Variants in DNAH5 observed in about 807,000 individuals in gnomAD.
DNAH5 encodes dynein axonemal heavy chain 5.
In DNAH5, 372 loss-of-function variants were observed where a neutral mutation model predicts 518.2. The observed-to-expected ratio is 0.72, with a 90% CI of 0.66 to 0.78. The LOEUF (loss-of-function observed/expected upper bound fraction) is 0.78, where lower values mean the gene tolerates loss of function less well. Among genes scored for constraint, DNAH5 ranks in the 30% least tolerant of loss-of-function variants. The pLI is 0.00. For synonymous variants in DNAH5, 2,039 were observed against 2,025.9 expected (o/e 1.01, Z -0.17); for missense variants, 5,523 against 5,687.0 (o/e 0.97, Z 0.93).
intron 52 of DNAH5, among the ~76,000 whole-genome samples, chr5:13,783,996 C>T (rs1186335671): frequency 6.6e-6 from 1 of 152,170 alleles, no homozygotes; most frequent in African/African-American, 2.4e-5. Context: ...AGAGAAAACA[C>T]CAGCGAGGCC....
chr5:13,954,469 T>A (rs552377840), intron 1 of DNAH5, among the ~76,000 whole-genome samples: 2 of 152,288 alleles, frequency 1.3e-5, no homozygotes, highest in South Asian at 4.1e-4. Context: ...TTGGTCTAAA[T>A]CACTTTAGTG....
intron 40 of DNAH5, among the ~76,000 whole-genome samples, chr5:13,822,742 T>A (rs1307376361): frequency 1.3e-5 from 2 of 152,202 alleles, no homozygotes; most frequent in African/African-American, 4.8e-5. Flanking sequence ...CCAAGTACCA[T>A]GGGAAGTCCA....
Position 13,769,081 on chromosome 5 carries a change from A to AC in DNAH5, c.9775dup (p.Val3259GlyfsTer17). Reference sequence around the variant, plus strand: ...CTGGGCCCTGTCCTTCACCTTCTGTACCTCAGCCTTGACCTTTTCAGCAGC... The same window carrying AC: ...CTGGGCCCTGTCCTTCACCTTCTGTACCCTCAGCCTTGACCTTTTCAGCAGC... On this transcript the variant is annotated frameshift_variant, in exon 58 of 79. Transcript: ENST00000265104. LOFTEE classifies it high-confidence loss of function. The AC allele has an allele frequency of 6.2e-7, 1 of 1,614,184 alleles. No homozygotes were observed. Among genetic ancestry groups the AC allele is most frequent in the Non-Finnish European group, 8.5e-7 (1 of 1,180,028 alleles).
rs781730778 is a variant in DNAH5, at chr5:13,729,417, A to G, written c.11883+22T>C. ...AGCTGCTCAACATGACATCAGCTTAAGTTGATTCAAAGCACAGTTACCTGG... is the reference window on the plus strand; with the variant it reads ...AGCTGCTCAACATGACATCAGCTTAGGTTGATTCAAAGCACAGTTACCTGG... On this transcript the variant is annotated intron_variant, in intron 69 of 78. Coordinates refer to ENST00000265104, the MANE Select transcript of DNAH5 (RefSeq NM_001369.3). 3.7e-6 allele frequency: 6 copies of G among 1,613,662 alleles called. No individual in the cohort carries two copies. The African/African-American group carries it at 8.0e-5, about 22-fold the overall frequency.
intron 1 of DNAH5, among the ~76,000 whole-genome samples, chr5:13,996,121 A>T (rs977455661): frequency 6.6e-6 from 1 of 152,198 alleles, no homozygotes; most frequent in Non-Finnish European, 1.5e-5. Flanking sequence ...TCTGATGATT[A>T]AAGGTGTTTC....
Position 13,867,808 on chromosome 5 carries a change from T to C in DNAH5, c.4019A>G (p.Gln1340Arg). 1 of 1,614,040 alleles carries C rather than the reference T, an allele frequency of 6.2e-7. No individual in the cohort carries two copies. Among genetic ancestry groups the C allele is most frequent in the Middle Eastern group, 1.7e-4 (1 of 6,048 alleles). ...GTCCAGATAAAACTGGTGACAATCTTGGAGGAATACCTCCACAGCACTAAT... is the reference window on the plus strand; with the variant it reads ...GTCCAGATAAAACTGGTGACAATCTCGGAGGAATACCTCCACAGCACTAAT... ...ELISAVEVFLQDCHQFYLDYD... is the reference protein window; with the variant it reads ...ELISAVEVFLRDCHQFYLDYD... The change falls in exon 25 of 79, where the codon CAA becomes CGA. Residue 1340 changes from glutamine (Q) to arginine (R), a missense_variant. Transcript: ENST00000265104.
At chr5:13,819,827 T>C (rs978363398) in intron 41 of DNAH5, among the ~76,000 whole-genome samples, 1 of 152,220 alleles carries the variant, frequency 6.6e-6, no homozygotes, top group Non-Finnish European at 1.5e-5. Flanking sequence ...GAAGGTAATT[T>C]ATGATTGGGA....
At chr5:13,732,309 T>C (rs1489942565) in intron 68 of DNAH5, among the ~76,000 whole-genome samples, 2 of 152,138 alleles carry the variant, frequency 1.3e-5, no homozygotes, top group African/African-American at 4.8e-5. Context: ...CACTTCTGGT[T>C]CATAGAAGAC....
At position 13,696,713 on chromosome 5, in the gene DNAH5, AG is replaced by A. The variant is rs200605069; in HGVS notation, c.13723+3926del. ...GTAAAAATTAAATATATCGCATGAAAGGGGTAACAGAATGTTAGTTTTCCAT... is the reference window on the plus strand; with the variant it reads ...GTAAAAATTAAATATATCGCATGAAAGGGTAACAGAATGTTAGTTTTCCAT... On this transcript the variant is annotated intron_variant, in intron 78 of 78. Transcript: ENST00000265104. 2.0e-5 allele frequency among the ~76,000 whole-genome samples: 3 copies of A among 152,230 alleles called. No individual in the cohort carries two copies. In the East Asian group the frequency reaches 5.8e-4, roughly 29 times the overall value.
intron 65 of DNAH5, among the ~76,000 whole-genome samples, chr5:13,746,978 T>C (rs10079427): frequency 0.021 from 3,151 of 152,258 alleles, 89 homozygotes; most frequent in African/African-American, 0.072. Flanking sequence ...CATGTTGGTG[T>C]GCTGCACCCA....
At chr5:13,737,154 T>A in intron 66 of DNAH5, 98 bp downstream of exon 66, 2 of 1,565,928 alleles carry the variant, frequency 1.3e-6, no homozygotes, top group Non-Finnish European at 1.8e-6. Flanking sequence ...CTTTGCATAA[T>A]CATTTGTATA....
In DNAH5 at chr5:13,809,062, G is replaced by A. The variant is rs1222953554; in HGVS notation, c.7734C>T (p.Thr2578=). 3.7e-6 allele frequency: 6 copies of A among 1,614,066 alleles called. No individual in the cohort carries two copies. The East Asian group carries it at 1.1e-4, about 30-fold the overall frequency. Residue 2578 remains threonine, a synonymous_variant, in exon 46 of 79, where the codon ACC becomes ACT. Coordinates refer to ENST00000265104, the MANE Select transcript of DNAH5 (RefSeq NM_001369.3). ...GTCATACCTTGCCCTGTTTAGCAAT[G>A]GTTTGAATTAGAAAGTCAGTCCTCA... ...DNVRTDFLIQ[T]IAKQGKAVLL...
intron 37 of DNAH5, 54 bp downstream of exon 37, chr5:13,829,972 T>C (rs1483933115): frequency 1.3e-6 from 2 of 1,534,748 alleles, no homozygotes; most frequent in Non-Finnish European, 1.8e-6. Flanking sequence ...GGGAGATGCA[T>C]GAAAATTGTG....
chr5:13,885,942 C>G, intron 18 of DNAH5, 22 bp downstream of exon 18: 1 of 1,606,922 alleles, frequency 6.2e-7, no homozygotes, highest in Non-Finnish European at 8.5e-7. Flanking sequence ...AAACAAGACC[C>G]TTTCATTACC....
intron 1 of DNAH5, among the ~76,000 whole-genome samples, chr5:14,002,518 G>A (rs778953877): frequency 1.3e-5 from 2 of 151,936 alleles, no homozygotes; most frequent in African/African-American, 2.4e-5. Context: ...AAAAAATGAA[G>A]TTTATTTATT....
chr5:13,788,589 TCTCAGG>T (rs149714215), intron 51 of DNAH5, 121 bp downstream of exon 51: 2 of 783,172 alleles, frequency 2.6e-6, no homozygotes, highest in African/African-American at 3.4e-5. Context: ...ATCTACTGTG[TCTCAGG>T]CTTGTATCAA....
intron 22 of DNAH5, among the ~76,000 whole-genome samples, chr5:13,873,020 T>G (rs1770353488): frequency 6.6e-6 from 1 of 152,188 alleles, no homozygotes; most frequent in Non-Finnish European, 1.5e-5. Flanking sequence ...TGTACATTAT[T>G]TGGGTGATGG....
At chr5:13,759,512 T>C (rs1284826564) in intron 60 of DNAH5, among the ~76,000 whole-genome samples, 3 of 152,250 alleles carry the variant, frequency 2.0e-5, no homozygotes, top group Non-Finnish European at 4.4e-5. Context: ...TAATAAAGGA[T>C]GTAAAATGAT....
intron 52 of DNAH5, among the ~76,000 whole-genome samples, chr5:13,783,888 A>T (rs1755574160): frequency 6.6e-6 from 1 of 152,216 alleles, no homozygotes; most frequent in Admixed American, 6.5e-5. Flanking sequence ...AGACAGGGCC[A>T]GCCGGGAAGT....
Sources: gnomAD v4.1 joint callset for allele counts (sites outside exome capture counted in the v4.1 genomes callset) on GRCh38, gnomAD v4.1.1 for gene constraint, MANE v1.5 for transcripts, NCBI Gene and HGNC (gene_info 2026-07-23, HGNC 2026-07-21) for gene names.